The following DOCK2 variants were observed in gnomAD, a reference collection of about 807,000 sequenced individuals.
DOCK2 encodes the protein dedicator of cytokinesis 2.
In DOCK2, 87 loss-of-function variants were observed where a neutral mutation model predicts 248.9. The ratio of observed to expected loss-of-function variants is 0.35; its 90% confidence interval spans 0.29 to 0.42. The LOEUF (loss-of-function observed/expected upper bound fraction) is 0.42, where lower values mean the gene tolerates loss of function less well. DOCK2 is among the 10% of genes least tolerant of loss of function. The probability of loss-of-function intolerance (pLI) is 1.00; values close to 1 mark genes in which losing one functional copy is unlikely to be tolerated. For synonymous variants in DOCK2, 805 were observed against 821.6 expected, an observed-to-expected ratio of 0.98 and a Z score of 0.35; for missense variants, 1,747 against 2,300.2, an observed-to-expected ratio of 0.76 and a Z score of 4.92.
At chr5:169,644,100 A>G (rs1205519811) in intron 1 of DOCK2, among the ~76,000 whole-genome samples, 1 of 152,180 alleles carries the variant, frequency 6.6e-6, no homozygotes, top group African/African-American at 2.4e-5. Flanking sequence ...GCAAAGCAGT[A>G]AGGAATGGAT....
chr5:169,973,973 A>G (rs1319979078), intron 27 of DOCK2, among the ~76,000 whole-genome samples: 1 of 152,186 alleles, frequency 6.6e-6, no homozygotes, highest in East Asian at 1.9e-4. Flanking sequence ...CCTAATATTC[A>G]AGGTTAATTC....
intron 27 of DOCK2, among the ~76,000 whole-genome samples, chr5:169,921,953 G>A (rs1775198897): frequency 6.6e-6 from 1 of 152,206 alleles, no homozygotes; most frequent in Non-Finnish European, 1.5e-5. Context: ...CAGAGAGGTT[G>A]GAGGAGAGAA....
chr5:169,850,234 A>G (rs1770553084), intron 27 of DOCK2, among the ~76,000 whole-genome samples: 1 of 152,168 alleles, frequency 6.6e-6, no homozygotes, highest in South Asian at 2.1e-4. Context: ...GGCAATAATT[A>G]CTGTCTCATC....
intron 15 of DOCK2, among the ~76,000 whole-genome samples, chr5:169,709,540 A>AAAAT (rs1200200684): frequency 2.4e-4 from 36 of 152,074 alleles, no homozygotes; most frequent in African/African-American, 7.7e-4. Flanking sequence ...GTCTCTACTA[A>AAAAT]AAATAAATAC....
At chr5:169,666,924 C>A (rs1758766611) in intron 2 of DOCK2, among the ~76,000 whole-genome samples, 1 of 152,158 alleles carries the variant, frequency 6.6e-6, no homozygotes, top group Admixed American at 6.5e-5. Context: ...TGAACTTGAA[C>A]CTGGGAGCCA....
intron 27 of DOCK2, among the ~76,000 whole-genome samples, chr5:169,842,083 A>G (rs778677838): frequency 3.0e-4 from 46 of 152,356 alleles, no homozygotes; most frequent in Middle Eastern, 3.4e-3. Flanking sequence ...GAGAAACTGA[A>G]AATTTCCATG....
rs565250332 is a variant in DOCK2, at chr5:169,819,130, G to T, written c.2703+15924G>T. 3.3e-5 allele frequency among the ~76,000 whole-genome samples: 5 copies of T among 152,284 alleles called. No individual in the cohort carries two copies. The East Asian group carries it at 9.7e-4, about 29-fold the overall frequency. On this transcript the variant is annotated intron_variant, in intron 26 of 51. Transcript: ENST00000520908. ...AACCTTTCCAGAAATACCCGCAGGA[G>T]ACCAATTATTTATCTGCTTAAAAAC... is the stretch of plus-strand genomic sequence containing the variant.
At chr5:169,798,089 T>C (rs1306388825) in intron 25 of DOCK2, among the ~76,000 whole-genome samples, 1 of 152,198 alleles carries the variant, frequency 6.6e-6, no homozygotes, top group Admixed American at 6.5e-5. Flanking sequence ...CAGCTGCCTT[T>C]CAGGTTGATA....
chr5:169,830,693 G>A (rs1396120814), intron 26 of DOCK2, among the ~76,000 whole-genome samples: 2 of 152,188 alleles, frequency 1.3e-5, no homozygotes, highest in East Asian at 3.8e-4. Flanking sequence ...CCCTTGCAAA[G>A]CAACTTACAG....
Position 169,763,176 on chromosome 5 carries a change from C to T in DOCK2, c.2554+1551C>T, listed in dbSNP as rs913388534. On this transcript the variant is annotated intron_variant, in intron 25 of 51. Transcript: ENST00000520908. This position sits in a 1 kb window ranked among gnomAD's most constrained non-coding sequence, Gnocchi z 4.1. ...AGACTAATTCTGGTAAGTCTTGTTGCACTTCTTGTGTCACTGTGCCTTTTT... is the reference window on the plus strand; with the variant it reads ...AGACTAATTCTGGTAAGTCTTGTTGTACTTCTTGTGTCACTGTGCCTTTTT... Among the ~76,000 whole-genome samples the T allele has an allele frequency of 2.6e-5, 4 of 152,174 alleles. No individual in the cohort carries two copies. The highest frequency in any genetic ancestry group is 4.4e-5 in the Non-Finnish European group (3 of 68,034).
intron 27 of DOCK2, chr5:169,882,999 C>T (rs368906539): frequency 4.3e-4 from 666 of 1,551,618 alleles, no homozygotes; most frequent in Non-Finnish European, 5.4e-4. Flanking sequence ...AAGGAACACA[C>T]GTTTCCTTTG....
intron 47 of DOCK2, among the ~76,000 whole-genome samples, chr5:170,076,931 A>G (rs1265494331): frequency 6.6e-6 from 1 of 152,186 alleles, no homozygotes; most frequent in Admixed American, 6.5e-5. Flanking sequence ...TCCCACTTCA[A>G]ACACCAACCA....
intron 27 of DOCK2, among the ~76,000 whole-genome samples, chr5:169,935,100 C>G (rs1276392841): frequency 6.6e-6 from 1 of 152,198 alleles, no homozygotes; most frequent in Admixed American, 6.5e-5. Flanking sequence ...GCAGTGAAGA[C>G]AGCGTGGCAA....
intron 25 of DOCK2, among the ~76,000 whole-genome samples, chr5:169,798,544 A>G (rs1452707069): frequency 6.6e-6 from 1 of 152,206 alleles, no homozygotes; most frequent in Non-Finnish European, 1.5e-5. Context: ...TGCTAACAGA[A>G]TGACCTTTTA....
At chr5:170,020,548 T>A (rs1364234308) in intron 33 of DOCK2, among the ~76,000 whole-genome samples, 1 of 152,238 alleles carries the variant, frequency 6.6e-6, no homozygotes, top group Non-Finnish European at 1.5e-5. Flanking sequence ...GCAGTCTTTT[T>A]AAACTACAAC....
In DOCK2 at chr5:170,077,817, C is replaced by A. The variant is rs778259254; in HGVS notation, c.4974C>A (p.Pro1658=). Residue 1658 remains proline, a synonymous_variant, in exon 48 of 52, where the codon CCC becomes CCA. Transcript: ENST00000520908. The stretch of plus-strand genomic sequence containing the variant: ...CCATGAATTCTGACTGCAGCACCCC[C>A]AGCAAGCCTACCTCAGAGAGGTCAG... The part of the protein sequence containing the change: ...LASMNSDCST[P]SKPTSESFDL... 12 of 1,613,448 alleles carry A rather than the reference C, an allele frequency of 7.4e-6. No homozygotes were observed. The Admixed American group carries it at 1.8e-4, about 25-fold the overall frequency.
At chr5:169,935,232 G>C (rs1374268159) in intron 27 of DOCK2, among the ~76,000 whole-genome samples, 1 of 132,172 alleles carries the variant, frequency 7.6e-6, no homozygotes, top group African/African-American at 3.3e-5. Context: ...TTTGTACACT[G>C]TTTGCTGTGA....
intron 32 of DOCK2, among the ~76,000 whole-genome samples, chr5:170,012,260 G>T (rs1006686508): frequency 6.8e-6 from 1 of 147,732 alleles, no homozygotes; most frequent in Non-Finnish European, 1.5e-5. Context: ...TTGTTTCAAA[G>T]GATGTGAAAT....
At chr5:169,769,617 C>T (rs1331254879) in intron 25 of DOCK2, among the ~76,000 whole-genome samples, 1 of 152,226 alleles carries the variant, frequency 6.6e-6, no homozygotes, top group Non-Finnish European at 1.5e-5. Flanking sequence ...ATTGCAGAAT[C>T]CTGGACCCTA....
Sources: allele counts gnomAD v4.1 joint callset (sites outside exome capture counted in the v4.1 genomes callset), GRCh38; gene constraint gnomAD v4.1.1; non-coding constraint Gnocchi (gnomAD v3.1); transcripts MANE v1.5; gene names NCBI Gene and HGNC (gene_info 2026-07-23, HGNC 2026-07-21).